ZNF260: variants seen among roughly 807,000 people sequenced by gnomAD.
The protein encoded by ZNF260 is zinc finger protein 260.
In ZNF260, 21 loss-of-function variants were observed where a neutral mutation model predicts 29.3. The observed-to-expected ratio is 0.72, with a 90% CI of 0.51 to 1.03. ZNF260 has a LOEUF of 1.03. Among genes scored for constraint, ZNF260 ranks in the 50% least tolerant of loss-of-function variants. The probability of loss-of-function intolerance (pLI) is 0.00; values close to 1 mark genes in which losing one functional copy is unlikely to be tolerated. For missense variants in ZNF260, 465 were observed against 487.8 expected (o/e 0.95, Z 0.44); for synonymous variants, 156 against 156.8 (o/e 0.99, Z 0.04).
At chr19:36,527,889 T>C (rs1021526799) in intron 1 of ZNF260, among the ~76,000 whole-genome samples, 2 of 152,166 alleles carry the variant, frequency 1.3e-5, no homozygotes, top group African/African-American at 4.8e-5. Flanking sequence ...AGAAAACGCA[T>C]CTTTATTATT....
At chr19:36,526,747 AAC>A (rs2034742475) in intron 1 of ZNF260, among the ~76,000 whole-genome samples, 1 of 152,176 alleles carries the variant, frequency 6.6e-6, no homozygotes, top group African/African-American at 2.4e-5. Context: ...CAAGCTTAAC[AAC>A]AGTTATGATT....
At position 36,512,400 on chromosome 19, in the gene ZNF260, C is replaced by T. The variant is rs1316979567; in HGVS notation, c.*1600G>A. On this transcript the variant is annotated 3_prime_UTR_variant, in exon 3 of 3. Coordinates refer to ENST00000523638, the MANE Select transcript of ZNF260 (RefSeq NM_001166037.2). ...AGAATGAACACAAATATTACCACCA[C>T]CCAGAATTAATATTTCGTTATGTTT... 1 of 152,016 alleles carries T rather than the reference C, an allele frequency of 6.6e-6. No homozygotes were observed. The highest frequency in any genetic ancestry group is 2.4e-5 in the African/African-American group (1 of 41,404). 9.4% of individuals were successfully genotyped at this position (152,016 alleles called of 1,614,324 possible). A position where few individuals can be genotyped will look rare whatever the true frequency, so the allele number is the denominator to read the frequency against.
In ZNF260 at chr19:36,515,293, T is replaced by C; in HGVS notation, c.-55A>G. On this transcript the variant is annotated 5_prime_UTR_variant, in exon 3 of 3. Transcript: ENST00000523638. ...AGTATCAAATAAGATGTAATAAGGA[T>C]GAAAGCTTTCCCACATTCACTAAAT... is the stretch of plus-strand genomic sequence containing the variant. 6.9e-7 allele frequency: 1 copy of C among 1,446,792 alleles called. No individual in the cohort carries two copies. The highest frequency in any genetic ancestry group is 9.2e-7 in the Non-Finnish European group (1 of 1,092,084). 89.6% of individuals were successfully genotyped at this position (1,446,792 alleles called of 1,614,324 possible).
rs751570165 is a variant in ZNF260 at position 36,514,354 on chromosome 19, G to A, written c.885C>T (p.His295=). The change falls in exon 3 of 3, where the codon CAC becomes CAT. Residue 295 remains histidine, a synonymous_variant. Coordinates refer to ENST00000523638, the MANE Select transcript of ZNF260 (RefSeq NM_001166037.2). ...FRQKQYLIKH[H]NIHTGEKPYE... is the part of the protein sequence containing the mutation. ...AGGGTTTCTCTCCTGTATGAATATT[G>A]TGATGTTTAATGAGGTATTGCTTCT... The A allele has an allele frequency of 3.1e-6, 5 of 1,614,004 alleles. No homozygotes were observed. In the Admixed American group the frequency reaches 6.7e-5, roughly 22 times the overall value.
In ZNF260 at chr19:36,514,858, C is replaced by T. The variant is rs57678022; in HGVS notation, c.381G>A (p.Gln127=). 653 of 1,613,966 alleles carry T rather than the reference C, an allele frequency of 4.0e-4. 3 individuals carry two copies. The African/African-American group carries it at 7.8e-3, about 19-fold the overall frequency. Residue 127 remains glutamine, a synonymous_variant, in exon 3 of 3, where the codon CAG becomes CAA. Transcript: ENST00000523638. ...SIQMPTIIRH[Q]KNHTGTKPYA... ...AGGGTTTGGTTCCTGTATGATTTTT[C>T]TGGTGTCTGATGATGGTTGGCATCT... is the stretch of plus-strand genomic sequence containing the variant.
chr19:36,523,685 C>A (rs1186935823), intron 2 of ZNF260, among the ~76,000 whole-genome samples: 1 of 149,114 alleles, frequency 6.7e-6, no homozygotes, highest in Non-Finnish European at 1.5e-5. Flanking sequence ...TCAAGTGATT[C>A]TTCTGCCTCA....
intron 2 of ZNF260, among the ~76,000 whole-genome samples, chr19:36,516,011 A>G (rs2034543852): frequency 2.0e-5 from 3 of 151,942 alleles, no homozygotes; most frequent in African/African-American, 7.3e-5. Context: ...AGCTGGGACT[A>G]CAGGAGCCCG....
At chr19:36,527,271 C>T (rs1421507889) in intron 1 of ZNF260, among the ~76,000 whole-genome samples, 1 of 152,160 alleles carries the variant, frequency 6.6e-6, no homozygotes, top group Non-Finnish European at 1.5e-5. Context: ...GAAACTAAGT[C>T]CTGTCTTCTT....
At chr19:36,518,129 C>T (rs1006212191) in intron 2 of ZNF260, 1 of 151,894 alleles carries the variant, frequency 6.6e-6, no homozygotes, top group Non-Finnish European at 1.5e-5. Flanking sequence ...GCACCCGGCC[C>T]GGAAGAATTA....
rs750400696 is a variant in ZNF260, at chr19:36,514,635, T to A, written c.604A>T (p.Ser202Cys). The A allele has an allele frequency of 5.0e-6, 8 of 1,614,098 alleles. No homozygotes were observed. The South Asian group carries it at 6.6e-5, about 13-fold the overall frequency. ...FKCSECGKAF[S>C]QKENLIIHQR... ...TGTATAATGAGGTTTTCCTTCTGGC[T>A]AAAAGCTTTTCCACACTCACTACAT... The change falls in exon 3 of 3, where the codon AGC (serine) becomes TGC (cysteine). Residue 202 changes from serine (S) to cysteine (C), a missense_variant. Transcript: ENST00000523638.
At chr19:36,520,452 C>T (rs570813662) in intron 2 of ZNF260, among the ~76,000 whole-genome samples, 8 of 152,014 alleles carry the variant, frequency 5.3e-5, no homozygotes, top group African/African-American at 1.9e-4. Context: ...CAAGTATAAC[C>T]GATGCGAACT....
chr19:36,524,373 G>A (rs552248025), intron 2 of ZNF260, among the ~76,000 whole-genome samples: 1 of 151,722 alleles, frequency 6.6e-6, no homozygotes, highest in East Asian at 1.9e-4. Flanking sequence ...TAAAGACGGG[G>A]TTTCACCGTG....
Position 36,514,854 on chromosome 19 carries a change from T to A in ZNF260, c.385A>T (p.Asn129Tyr). 6.2e-7 allele frequency: 1 copy of A among 1,614,058 alleles called. No homozygotes were observed. The highest frequency in any genetic ancestry group is 8.5e-7 in the Non-Finnish European group (1 of 1,180,020). ...QMPTIIRHQK[N>Y]HTGTKPYACK... ...GCATAGGGTTTGGTTCCTGTATGAT[T>A]TTTCTGGTGTCTGATGATGGTTGGC... is the stretch of plus-strand genomic sequence containing the variant. Residue 129 changes from asparagine to tyrosine, a missense_variant, in exon 3 of 3, where the codon AAT (asparagine) becomes TAT (tyrosine). Coordinates refer to ENST00000523638, the MANE Select transcript of ZNF260 (RefSeq NM_001166037.2).
intron 2 of ZNF260, among the ~76,000 whole-genome samples, chr19:36,515,979 C>T (rs2034543284): frequency 6.6e-6 from 1 of 151,866 alleles, no homozygotes. Context: ...TCAAGCAATT[C>T]TCCTGCCTCA....
chr19:36,515,925 G>A (rs1459026481), intron 2 of ZNF260, among the ~76,000 whole-genome samples: 1 of 151,884 alleles, frequency 6.6e-6, no homozygotes, highest in Non-Finnish European at 1.5e-5. Flanking sequence ...AGGCTGGAGG[G>A]CAATGGCGCG....
rs998292409 is a variant in ZNF260 at position 36,511,014 on chromosome 19, G to A, written c.*2986C>T. The A allele has an allele frequency of 6.6e-5, 10 of 152,110 alleles. No individual in the cohort carries two copies. In the East Asian group the frequency reaches 1.7e-3, roughly 26 times the overall value. The allele number at this position is 152,110 out of a possible 1,614,324, so 9.4% of individuals were successfully genotyped here. A position where few individuals can be genotyped will look rare whatever the true frequency, so the allele number is the denominator to read the frequency against. Reference sequence around the variant, plus strand: ...AAGTAAAGCAAAATGAGGAACAGAAGAAGACAGTTTAGATTCATGTACACA... The same window carrying A: ...AAGTAAAGCAAAATGAGGAACAGAAAAAGACAGTTTAGATTCATGTACACA... On this transcript the variant is annotated 3_prime_UTR_variant, in exon 3 of 3. Coordinates refer to ENST00000523638, the MANE Select transcript of ZNF260 (RefSeq NM_001166037.2).
chr19:36,526,778 GGAAGCAGAGCCTACA>G (rs2034743203), intron 1 of ZNF260, among the ~76,000 whole-genome samples: 1 of 152,076 alleles, frequency 6.6e-6, no homozygotes, highest in African/African-American at 2.4e-5. Context: ...TTGAATCCGT[GGAAGCAGAGCCTACA>G]GACACAGAGG....
chr19:36,522,056 TA>T (rs1052718841), intron 2 of ZNF260, among the ~76,000 whole-genome samples: 3 of 151,232 alleles, frequency 2.0e-5, no homozygotes, highest in Admixed American at 6.6e-5. Context: ...CTCAAACAAA[TA>T]AAAAAAATAA....
chr19:36,523,175 C>T (rs1371383574), intron 2 of ZNF260, among the ~76,000 whole-genome samples: 1 of 152,184 alleles, frequency 6.6e-6, no homozygotes, highest in Admixed American at 6.5e-5. Flanking sequence ...CCTTGCTGCT[C>T]AAACAATACT....
Sources: allele counts gnomAD v4.1 joint callset (sites outside exome capture counted in the v4.1 genomes callset), GRCh38; gene constraint gnomAD v4.1.1; transcripts MANE v1.5; gene names NCBI Gene and HGNC (gene_info 2026-07-23, HGNC 2026-07-21).